The following HSD17B12 variants were observed in gnomAD, a reference collection of about 807,000 sequenced individuals.
HSD17B12 encodes very-long-chain 3-oxoacyl-CoA reductase.
A neutral mutation model predicts 39.3 loss-of-function variants in HSD17B12; 32 were observed. That is an observed-to-expected ratio of 0.81 (90% confidence interval 0.61 to 1.09). HSD17B12 has a LOEUF of 1.09. HSD17B12 is among the 50% of genes least tolerant of loss of function. The pLI is 0.00. For synonymous variants in HSD17B12, 150 were observed against 146.7 expected, an observed-to-expected ratio of 1.02 and a Z score of -0.16; for missense variants, 342 against 382.9, an observed-to-expected ratio of 0.89 and a Z score of 0.89.
At chr11:43,753,300 T>TAAAAATAAAAATAA in intron 2 of HSD17B12, among the ~76,000 whole-genome samples, 1 of 152,142 alleles carries the variant, frequency 6.6e-6, no homozygotes, top group East Asian at 1.9e-4. Flanking sequence ...ATAATTATGT[T>TAAAAATAAAAATAA]TTTAGGAATT....
the HSD17B12 span, among the ~76,000 whole-genome samples, chr11:43,604,234 G>A: frequency 3.9e-5 from 6 of 152,116 alleles, no homozygotes; most frequent in Admixed American, 1.3e-4. Context: ...TCAAATGATT[G>A]AGAATTTATC....
chr11:43,618,773 G>A, the HSD17B12 span, among the ~76,000 whole-genome samples: 1 of 152,124 alleles, frequency 6.6e-6, no homozygotes, highest in Admixed American at 6.6e-5. Flanking sequence ...ATCAGTTTCT[G>A]AGGACTTCAG....
At chr11:43,600,483 A>C in the HSD17B12 span, among the ~76,000 whole-genome samples, 5 of 152,178 alleles carry the variant, frequency 3.3e-5, no homozygotes, top group Non-Finnish European at 7.3e-5. Context: ...GGCTGCCAGC[A>C]TGTGGAAAAG....
chr11:43,591,791 A>G, the HSD17B12 span, among the ~76,000 whole-genome samples: 1 of 152,008 alleles, frequency 6.6e-6, no homozygotes. Context: ...AGTAAAGATC[A>G]TCATTTAATT....
chr11:43,684,734 T>G (rs1229605267), intron 1 of HSD17B12, among the ~76,000 whole-genome samples: 1 of 152,218 alleles, frequency 6.6e-6, no homozygotes, highest in Non-Finnish European at 1.5e-5. Context: ...TTTGCCCATT[T>G]AAAGTGTACA....
In HSD17B12 at chr11:43,753,989, A is replaced by G. The variant is rs1009056633; in HGVS notation, c.208-57A>G. On this transcript the variant is annotated intron_variant, in intron 2 of 10. Transcript: ENST00000278353. ...TTTCTTAAAATGGGGGTTATAGCTCATTAATGTTTTTCAGTGACATGCACA... is the reference window on the plus strand; with the variant it reads ...TTTCTTAAAATGGGGGTTATAGCTCGTTAATGTTTTTCAGTGACATGCACA... 58 of 1,134,860 alleles carry G rather than the reference A, an allele frequency of 5.1e-5. No homozygotes were observed. In the South Asian group the frequency reaches 5.4e-4, roughly 11 times the overall value. The allele number at this position is 1,134,860 out of a possible 1,614,324, so 70.3% of individuals were successfully genotyped here.
chr11:43,605,349 G>C, the HSD17B12 span, among the ~76,000 whole-genome samples: 1 of 152,006 alleles, frequency 6.6e-6, no homozygotes, highest in Non-Finnish European at 1.5e-5. Flanking sequence ...ATCGCCTGAG[G>C]TCAGGAGTTC....
At chr11:43,777,794 A>G (rs1950722679) in intron 3 of HSD17B12, among the ~76,000 whole-genome samples, 1 of 152,166 alleles carries the variant, frequency 6.6e-6, no homozygotes, top group African/African-American at 2.4e-5. Context: ...ATGAGAACAA[A>G]GACACAACAT....
the HSD17B12 span, among the ~76,000 whole-genome samples, chr11:43,559,104 G>T: frequency 2.6e-5 from 4 of 152,170 alleles, no homozygotes; most frequent in Non-Finnish European, 5.9e-5. Flanking sequence ...CTCCAAGAAG[G>T]GGGATGGAGA....
chr11:43,605,475 C>A, the HSD17B12 span, among the ~76,000 whole-genome samples: 2 of 151,404 alleles, frequency 1.3e-5, no homozygotes, highest in East Asian at 1.9e-4. Context: ...GCAGGAGAAT[C>A]GCTTTAACCC....
At chr11:43,849,004 T>G in intron 9 of HSD17B12, among the ~76,000 whole-genome samples, 1 of 152,176 alleles carries the variant, frequency 6.6e-6, no homozygotes, top group Middle Eastern at 3.2e-3. Context: ...CAGAATGATC[T>G]CTTTAAAATA....
At chr11:43,850,097 T>A (rs1951516206) in intron 9 of HSD17B12, among the ~76,000 whole-genome samples, 2 of 152,194 alleles carry the variant, frequency 1.3e-5, no homozygotes, top group Admixed American at 1.3e-4. Context: ...CAGGGCCTTT[T>A]TTCATTGCTA....
At chr11:43,826,071 CT>C (rs1477238353) in intron 6 of HSD17B12, among the ~76,000 whole-genome samples, 3 of 77,928 alleles carry the variant, frequency 3.8e-5, no homozygotes, top group Admixed American at 1.1e-4. Context: ...TATATGCAGT[CT>C]TTTTTTTTCT....
chr11:43,804,676 C>T (rs984312720), intron 4 of HSD17B12, among the ~76,000 whole-genome samples: 1 of 152,104 alleles, frequency 6.6e-6, no homozygotes, highest in East Asian at 1.9e-4. Context: ...TTTGGGGAAG[C>T]AATTGTGTTG....
At chr11:43,609,663 C>T in the HSD17B12 span, among the ~76,000 whole-genome samples, 1 of 152,194 alleles carries the variant, frequency 6.6e-6, no homozygotes, top group South Asian at 2.1e-4. Flanking sequence ...AGCCACTGTG[C>T]ATATATTTAA....
intron 1 of HSD17B12, among the ~76,000 whole-genome samples, chr11:43,684,692 C>A (rs1183683126): frequency 2.0e-5 from 3 of 152,144 alleles, no homozygotes; most frequent in African/African-American, 7.2e-5. Context: ...TTTAAAACAA[C>A]TTTAGTGGGA....
At chr11:43,601,654 T>A in the HSD17B12 span, among the ~76,000 whole-genome samples, 1 of 152,194 alleles carries the variant, frequency 6.6e-6, no homozygotes, top group African/African-American at 2.4e-5. Context: ...CTCCTTTTGA[T>A]GGACAGACAC....
chr11:43,659,194 T>G, the HSD17B12 span, among the ~76,000 whole-genome samples: 43 of 152,356 alleles, frequency 2.8e-4, no homozygotes, highest in South Asian at 8.9e-3. Context: ...CTCTGAGCCA[T>G]GTGCGGGATA....
chr11:43,657,351 A>G, the HSD17B12 span, among the ~76,000 whole-genome samples: 1 of 152,142 alleles, frequency 6.6e-6, no homozygotes, highest in Non-Finnish European at 1.5e-5. Flanking sequence ...TTGACTCTTT[A>G]TCCGGTTTGC....
Sources: allele counts gnomAD v4.1 joint callset (sites outside exome capture counted in the v4.1 genomes callset), GRCh38; gene constraint gnomAD v4.1.1; transcripts MANE v1.5; gene names NCBI Gene and HGNC (gene_info 2026-07-23, HGNC 2026-07-21).